SYNPR: variants seen among roughly 807,000 people sequenced by gnomAD.
SYNPR encodes synaptoporin.
A neutral mutation model predicts 32.9 loss-of-function variants in SYNPR; 23 were observed. The ratio of observed to expected loss-of-function variants is 0.70; its 90% confidence interval spans 0.50 to 0.99. The LOEUF is 0.99. SYNPR is among the 50% of genes least tolerant of loss of function. The probability of loss-of-function intolerance (pLI) is 0.00; values close to 1 mark genes in which losing one functional copy is unlikely to be tolerated. For missense variants in SYNPR, 318 were observed against 349.3 expected (o/e 0.91, Z 0.71); for synonymous variants, 146 against 135.9 (o/e 1.07, Z -0.52).
intron 3 of SYNPR, among the ~76,000 whole-genome samples, chr3:63,490,204 G>A (rs984711466): frequency 1.3e-5 from 2 of 152,078 alleles, no homozygotes; most frequent in African/African-American, 4.8e-5. Flanking sequence ...GCAGAGGCCT[G>A]AAATCTGAGA....
Position 63,525,423 on chromosome 3 carries a change from G to A in SYNPR, c.210-31120G>A, listed in dbSNP as rs1235235035. Among the ~76,000 whole-genome samples, 4 of 152,050 alleles carry A rather than the reference G, an allele frequency of 2.6e-5. No homozygotes were observed. The South Asian group carries it at 6.2e-4, about 24-fold the overall frequency. On this transcript the variant is annotated intron_variant, in intron 3 of 5. Transcript: ENST00000478300. ...TCAGTATTTTTGCAATGCTCCCCAG[G>A]AACTTCTAATGGACAGCCTTGACTA...
At chr3:63,483,354 G>T (rs1052062043) in intron 3 of SYNPR, among the ~76,000 whole-genome samples, 2 of 152,092 alleles carry the variant, frequency 1.3e-5, no homozygotes, top group Non-Finnish European at 2.9e-5. Context: ...AAAGTAAGTA[G>T]CAGCATGTTA....
chr3:63,256,876 G>A (rs1337284732), intron 2 of SYNPR, among the ~76,000 whole-genome samples: 1 of 152,150 alleles, frequency 6.6e-6, no homozygotes, highest in East Asian at 1.9e-4. Flanking sequence ...GTCCTTAAAG[G>A]ACCTGATGGA....
intron 2 of SYNPR, among the ~76,000 whole-genome samples, chr3:63,331,224 G>T (rs961492658): frequency 3.3e-5 from 5 of 152,136 alleles, no homozygotes; most frequent in African/African-American, 1.2e-4. Context: ...CCTTAAAACT[G>T]AACAGAGTTT....
chr3:63,505,866 A>T (rs559384902), intron 3 of SYNPR, among the ~76,000 whole-genome samples: 1 of 152,246 alleles, frequency 6.6e-6, no homozygotes, highest in South Asian at 2.1e-4. Flanking sequence ...TCAATCAATG[A>T]CATTAATGCC....
At chr3:63,285,123 T>G (rs2086668515) in intron 2 of SYNPR, among the ~76,000 whole-genome samples, 1 of 152,246 alleles carries the variant, frequency 6.6e-6, no homozygotes, top group Non-Finnish European at 1.5e-5. Context: ...TATTTTACAG[T>G]GTTTATCTCA....
upstream of SYNPR, among the ~76,000 whole-genome samples, chr3:63,223,390 G>GT (rs1193904018): frequency 2.0e-5 from 3 of 151,780 alleles, no homozygotes; most frequent in African/African-American, 7.3e-5. Flanking sequence ...CCTGGTAGTG[G>GT]TAAGATTTTG....
At chr3:63,588,350 T>C (rs1403005378) in intron 4 of SYNPR, among the ~76,000 whole-genome samples, 2 of 152,072 alleles carry the variant, frequency 1.3e-5, no homozygotes, top group Non-Finnish European at 2.9e-5. Flanking sequence ...CCACTGTGTC[T>C]CCTGTAAGCT....
intron 2 of SYNPR, among the ~76,000 whole-genome samples, chr3:63,295,904 C>A (rs893894270): frequency 6.6e-6 from 1 of 152,176 alleles, no homozygotes; most frequent in African/African-American, 2.4e-5. Flanking sequence ...GCTTGTATAT[C>A]TTTTGCTTTT....
chr3:63,437,800 A>AG (rs1700111470), intron 2 of SYNPR, among the ~76,000 whole-genome samples: 1 of 152,106 alleles, frequency 6.6e-6, no homozygotes, highest in Non-Finnish European at 1.5e-5. Flanking sequence ...TAAGGGAATA[A>AG]ATACCCTGAC....
rs1387516443 is a variant in SYNPR, at chr3:63,616,362, T to C, written c.*881T>C. The C allele has an allele frequency of 2.0e-5, 3 of 152,112 alleles. No individual in the cohort carries two copies. The highest frequency in any genetic ancestry group is 4.8e-5 in the African/African-American group (2 of 41,398). The allele number at this position is 152,112 out of a possible 1,614,324, so 9.4% of individuals were successfully genotyped here. On this transcript the variant is annotated 3_prime_UTR_variant, in exon 6 of 6. Transcript: ENST00000478300. Reference sequence around the variant, plus strand: ...CCAATAACTCTTTGTGTTTATGGAGTGTTGTTTTCTTAGAATAATGGAGAT... The same window carrying C: ...CCAATAACTCTTTGTGTTTATGGAGCGTTGTTTTCTTAGAATAATGGAGAT...
intron 2 of SYNPR, among the ~76,000 whole-genome samples, chr3:63,311,905 C>T (rs1211931524): frequency 2.0e-4 from 30 of 151,770 alleles, no homozygotes; most frequent in Admixed American, 2.0e-3. Context: ...ATTAGGAGAC[C>T]TAAGACATAC....
At chr3:63,494,524 T>TATATAC (rs1553641203) in intron 3 of SYNPR, among the ~76,000 whole-genome samples, 2,172 of 56,802 alleles carry the variant, frequency 0.038, 91 homozygotes, top group Non-Finnish European at 0.05. Context: ...CATATATACA[T>TATATAC]ATATATATAT....
intron 4 of SYNPR, among the ~76,000 whole-genome samples, chr3:63,571,278 G>C (rs538110103): frequency 4.6e-5 from 7 of 152,256 alleles, no homozygotes; most frequent in African/African-American, 1.2e-4. Flanking sequence ...AGAGGAAAAT[G>C]AAATTAAAAA....
At chr3:63,284,856 A>G (rs34276519) in intron 2 of SYNPR, among the ~76,000 whole-genome samples, 36,956 of 152,014 alleles carry the variant, frequency 0.24, 4,731 homozygotes, top group South Asian at 0.38. Flanking sequence ...CATATGGGGG[A>G]CTATATTACT....
intron 2 of SYNPR, among the ~76,000 whole-genome samples, chr3:63,336,996 T>C (rs569757495): frequency 1.3e-4 from 19 of 151,876 alleles, no homozygotes; most frequent in African/African-American, 3.9e-4. Context: ...CTTTGGAAGG[T>C]CCAGGTGGGC....
intron 2 of SYNPR, among the ~76,000 whole-genome samples, chr3:63,468,531 C>T (rs1040803194): frequency 2.1e-5 from 3 of 142,334 alleles, no homozygotes; most frequent in African/African-American, 3.1e-5. Flanking sequence ...TTAAGGGCCA[C>T]GTGGTGGCTC....
chr3:63,207,119 T>C, the SYNPR span, among the ~76,000 whole-genome samples: 1 of 152,254 alleles, frequency 6.6e-6, no homozygotes, highest in Non-Finnish European at 1.5e-5. Context: ...TTAGTTCTTG[T>C]ATTCTTGTCA....
chr3:63,251,841 C>G (rs188954544), intron 1 of SYNPR, among the ~76,000 whole-genome samples: 205 of 152,038 alleles, frequency 1.3e-3, no homozygotes, highest in Non-Finnish European at 2.4e-3. Context: ...TCAGGTAACT[C>G]AGACAAATGC....
Sources: gnomAD v4.1 joint callset for allele counts (sites outside exome capture counted in the v4.1 genomes callset) on GRCh38, gnomAD v4.1.1 for gene constraint, MANE v1.5 for transcripts, NCBI Gene and HGNC (gene_info 2026-07-23, HGNC 2026-07-21) for gene names.